The following BAG2 variants were observed in gnomAD, a reference collection of about 807,000 sequenced individuals.
BAG2 encodes the protein BAG family molecular chaperone regulator 2.
BAG2 carries 8 observed loss-of-function variants against 16.4 expected under a neutral mutation model. The observed-to-expected ratio is 0.49, with a 90% CI of 0.29 to 0.88. BAG2 has a LOEUF of 0.88. Ranked by LOEUF, BAG2 falls within the 40% of genes least tolerant of loss-of-function variation. The probability of loss-of-function intolerance (pLI) is 0.09; values close to 1 mark genes in which losing one functional copy is unlikely to be tolerated. For synonymous variants in BAG2, 82 were observed against 89.2 expected, an observed-to-expected ratio of 0.92 and a Z score of 0.46; for missense variants, 218 against 248.9, an observed-to-expected ratio of 0.88 and a Z score of 0.84.
At chr6:57,177,066 T>C (rs1764303722) in intron 1 of BAG2, among the ~76,000 whole-genome samples, 1 of 152,214 alleles carries the variant, frequency 6.6e-6, no homozygotes. Flanking sequence ...AAGTGATCAT[T>C]ATAGCATTCT....
At position 57,184,219 on chromosome 6, in the gene BAG2, A is replaced by G. The variant is rs1290141069; in HGVS notation, c.*29A>G. The G allele has an allele frequency of 7.4e-6, 11 of 1,478,214 alleles. No individual in the cohort carries two copies. Among genetic ancestry groups the G allele is most frequent in the Non-Finnish European group, 9.8e-6 (11 of 1,118,392 alleles). 91.6% of individuals were successfully genotyped at this position (1,478,214 alleles called of 1,614,324 possible). ...TCAAACCTAAGAGCATTTACACAAT[A>G]CACAAGGTGTAAAAATGATAAAATA... On this transcript the variant is annotated 3_prime_UTR_variant, in exon 3 of 3. Coordinates refer to ENST00000370693, the MANE Select transcript of BAG2 (RefSeq NM_004282.4).
At chr6:57,174,544 TGAG>T in intron 1 of BAG2, 1 of 624,746 alleles carries the variant, frequency 1.6e-6, no homozygotes, top group Non-Finnish European at 2.3e-6. Context: ...ACATTTGAGC[TGAG>T]GAGAAAAGTG....
intron 1 of BAG2, chr6:57,173,481 C>T (rs956356945): frequency 1.0e-6 from 1 of 985,176 alleles, no homozygotes; most frequent in African/African-American, 1.7e-5. Flanking sequence ...GGGCACCTCC[C>T]TACATAGAAG....
intron 2 of BAG2, among the ~76,000 whole-genome samples, chr6:57,182,484 A>C (rs1014548140): frequency 6.6e-6 from 1 of 151,450 alleles, no homozygotes; most frequent in Non-Finnish European, 1.5e-5. Flanking sequence ...AGAGATTAAA[A>C]AAGCAGAGGA....
intron 2 of BAG2, 79 bp from the exon 3 acceptor site, chr6:57,183,699 G>GA: frequency 7.5e-7 from 1 of 1,331,554 alleles, no homozygotes; most frequent in Non-Finnish European, 1.0e-6. Context: ...CAGAGGTAAA[G>GA]AAAATAATAA....
intron 1 of BAG2, chr6:57,174,325 G>T: frequency 7.7e-7 from 1 of 1,304,076 alleles, no homozygotes; most frequent in South Asian, 1.2e-5. Context: ...GAATGGGGAG[G>T]TTGTTACTCC....
At chr6:57,172,965 C>A in intron 1 of BAG2, 155 bp downstream of exon 1, 1 of 708,050 alleles carries the variant, frequency 1.4e-6, no homozygotes, top group Non-Finnish European at 2.1e-6. Context: ...TGTGGATGGA[C>A]GTGGTGTAGT....
intron 1 of BAG2, 118 bp downstream of exon 1, chr6:57,172,928 C>G: frequency 1.1e-6 from 1 of 906,670 alleles, no homozygotes; most frequent in Non-Finnish European, 1.6e-6. Flanking sequence ...GAGGCTGCGG[C>G]AACCGAAGTT....
In BAG2 at chr6:57,184,279, T is replaced by C; in HGVS notation, c.*89T>C. ...TTGATAACTAGTTCTTTGTTAGGTATAACCACTTAGTTGACACTGATAGTT... is the reference window on the plus strand; with the variant it reads ...TTGATAACTAGTTCTTTGTTAGGTACAACCACTTAGTTGACACTGATAGTT... On this transcript the variant is annotated 3_prime_UTR_variant, in exon 3 of 3. Coordinates refer to ENST00000370693, the MANE Select transcript of BAG2 (RefSeq NM_004282.4). 1 of 1,249,528 alleles carries C rather than the reference T, an allele frequency of 8.0e-7. No homozygotes were observed. The highest frequency in any genetic ancestry group is 1.0e-6 in the Non-Finnish European group (1 of 962,230). The allele number at this position is 1,249,528 out of a possible 1,614,324, so 77.4% of individuals were successfully genotyped here.
chr6:57,173,508 T>A, intron 1 of BAG2: 1 of 983,316 alleles, frequency 1.0e-6, no homozygotes, highest in Non-Finnish European at 1.2e-6. Context: ...TGCTAGTTAC[T>A]GGCCTGAAAG....
At chr6:57,182,480 T>A (rs1229417492) in intron 2 of BAG2, among the ~76,000 whole-genome samples, 2 of 119,860 alleles carry the variant, frequency 1.7e-5, no homozygotes, top group African/African-American at 6.7e-5. Context: ...TGCAAGAGAT[T>A]AAAAAAGCAG....
At chr6:57,179,116 T>G (rs773547787) in intron 1 of BAG2, among the ~76,000 whole-genome samples, 1 of 152,256 alleles carries the variant, frequency 6.6e-6, no homozygotes, top group African/African-American at 2.4e-5. Flanking sequence ...AGTCATGGTT[T>G]GTGCTTTTAG....
In BAG2 at chr6:57,172,355, G is replaced by C. The variant is rs1453340295; in HGVS notation, c.-343G>C. 1 of 167,156 alleles carries C rather than the reference G, an allele frequency of 6.0e-6. No homozygotes were observed. The highest frequency in any genetic ancestry group is 2.4e-5 in the African/African-American group (1 of 42,064). 10.4% of individuals were successfully genotyped at this position (167,156 alleles called of 1,614,324 possible). A position where few individuals can be genotyped will look rare whatever the true frequency, so the allele number is the denominator to read the frequency against. ...GATCCGCTAGCCACATTAGGCGCTC[G>C]GTCTCTGCGTCCGCCCCTCCCGTGC... On this transcript the variant is annotated 5_prime_UTR_variant, in exon 1 of 3. Transcript: ENST00000370693.
rs960457496 is a variant in BAG2, at chr6:57,184,428, C to T, written c.*238C>T. ...ATTCTTGTCTTGTACTAGGATCTAG[C>T]ATATTTCACTATTCTGTGGATGAAT... On this transcript the variant is annotated 3_prime_UTR_variant, in exon 3 of 3. Coordinates refer to ENST00000370693, the MANE Select transcript of BAG2 (RefSeq NM_004282.4). The T allele has an allele frequency of 6.2e-6, 2 of 323,842 alleles. No individual in the cohort carries two copies. The highest frequency in any genetic ancestry group is 5.2e-5 in the East Asian group (1 of 19,332). 20.1% of individuals were successfully genotyped at this position (323,842 alleles called of 1,614,324 possible).
Position 57,189,731 on chromosome 6 carries a change from T to C in BAG2, c.*5541T>C, listed in dbSNP as rs1340281091. ...TCTGATAGTAAAGCACTATAAAAAT[T>C]AGGTATGATATTTTTGGCACAAAGC... On this transcript the variant is annotated 3_prime_UTR_variant, in exon 3 of 3. Coordinates refer to ENST00000370693, the MANE Select transcript of BAG2 (RefSeq NM_004282.4). 3 of 152,674 alleles carry C rather than the reference T, an allele frequency of 2.0e-5. No individual in the cohort carries two copies. The highest frequency in any genetic ancestry group is 2.9e-5 in the Non-Finnish European group (2 of 68,062). The allele number at this position is 152,674 out of a possible 1,614,324, so 9.5% of individuals were successfully genotyped here.
In BAG2 at chr6:57,188,837, C is replaced by T. The variant is rs1035030656; in HGVS notation, c.*4647C>T. On this transcript the variant is annotated 3_prime_UTR_variant, in exon 3 of 3. Transcript: ENST00000370693. ...TCTAAAATGGCAAAGAGAACATTTA[C>T]TTTTGATCACTTAACAAGGACACAC... The T allele has an allele frequency of 1.3e-5, 2 of 151,976 alleles. No homozygotes were observed. Among genetic ancestry groups the T allele is most frequent in the Non-Finnish European group, 2.9e-5 (2 of 67,980 alleles). The allele number at this position is 151,976 out of a possible 1,614,324, so 9.4% of individuals were successfully genotyped here. A position where few individuals can be genotyped will look rare whatever the true frequency, so the allele number is the denominator to read the frequency against.
intron 1 of BAG2, among the ~76,000 whole-genome samples, chr6:57,177,841 C>T (rs1329014480): frequency 2.0e-5 from 3 of 152,164 alleles, no homozygotes; most frequent in East Asian, 1.9e-4. Flanking sequence ...TGTACTCCTC[C>T]TAAGTCTCCC....
rs1223068134 is a variant in BAG2 at position 57,189,299 on chromosome 6, C to T, written c.*5109C>T. The T allele has an allele frequency of 6.6e-6, 1 of 152,108 alleles. No homozygotes were observed. Among genetic ancestry groups the T allele is most frequent in the Non-Finnish European group, 1.5e-5 (1 of 68,008 alleles). 9.4% of individuals were successfully genotyped at this position (152,108 alleles called of 1,614,324 possible). A position where few individuals can be genotyped will look rare whatever the true frequency, so the allele number is the denominator to read the frequency against. ...TGATTGATAATCTTAAAATACCATA[C>T]AAAAATGTGTAAACAAAAGGATGGT... On this transcript the variant is annotated 3_prime_UTR_variant, in exon 3 of 3. Transcript: ENST00000370693.
At position 57,183,874 on chromosome 6, in the gene BAG2, A is replaced by G. The variant is rs373713243; in HGVS notation, c.320A>G (p.Gln107Arg). ...GAAACAATTAGAAACCCCCAGCAGC[A>G]AGAATCCCTAAAGCATGCCACAAGG... Reference protein sequence around the residue: ...SVETIRNPQQQESLKHATRII... With the variant: ...SVETIRNPQQRESLKHATRII... Residue 107 changes from glutamine to arginine, a missense_variant, in exon 3 of 3, where the codon CAA becomes CGA. Coordinates refer to ENST00000370693, the MANE Select transcript of BAG2 (RefSeq NM_004282.4). 11 of 1,614,034 alleles carry G rather than the reference A, an allele frequency of 6.8e-6. No homozygotes were observed. The African/African-American group carries it at 1.3e-4, about 20-fold the overall frequency.
Sources: allele counts gnomAD v4.1 joint callset (sites outside exome capture counted in the v4.1 genomes callset), GRCh38; gene constraint gnomAD v4.1.1; transcripts MANE v1.5; gene names NCBI Gene and HGNC (gene_info 2026-07-23, HGNC 2026-07-21).